CAPS2: variants seen among roughly 807,000 people sequenced by gnomAD.
CAPS2 encodes calcyphosine 2.
A neutral mutation model predicts 86.5 loss-of-function variants in CAPS2; 98 were observed. The observed-to-expected ratio is 1.13, with a 90% CI of 0.96 to 1.34. The LOEUF (loss-of-function observed/expected upper bound fraction) is 1.34. Ranked by LOEUF, CAPS2 falls within the 40% of genes most tolerant of loss-of-function variation. The pLI is 0.00. For missense variants in CAPS2, 729 were observed against 686.8 expected, an observed-to-expected ratio of 1.06 and a Z score of -0.69; for synonymous variants, 210 against 225.1, an observed-to-expected ratio of 0.93 and a Z score of 0.60.
chr12:75,280,861 G>T (rs1305649258), intron 16 of CAPS2, among the ~76,000 whole-genome samples: 1 of 151,568 alleles, frequency 6.6e-6, no homozygotes, highest in Non-Finnish European at 1.5e-5. Flanking sequence ...CATATATGAG[G>T]GTTAATGATG....
intron 7 of CAPS2, among the ~76,000 whole-genome samples, chr12:75,306,634 A>G (rs1300024571): frequency 6.6e-6 from 1 of 152,100 alleles, no homozygotes; most frequent in Non-Finnish European, 1.5e-5. Context: ...TGCTAAACTG[A>G]TGAAATATAT....
intron 1 of CAPS2, among the ~76,000 whole-genome samples, chr12:75,349,790 C>T (rs923792274): frequency 2.0e-5 from 3 of 151,822 alleles, no homozygotes; most frequent in Non-Finnish European, 4.4e-5. Flanking sequence ...CCATGATTGC[C>T]TTGAGAAACA....
At chr12:75,293,084 G>C (rs1408841122) in intron 12 of CAPS2, among the ~76,000 whole-genome samples, 165 bp downstream of exon 12, 1 of 152,154 alleles carries the variant, frequency 6.6e-6, no homozygotes, top group Middle Eastern at 3.4e-3. Context: ...AAGTGTATTT[G>C]AGTACAAGAT....
chr12:75,284,343 A>C (rs1325201656), intron 15 of CAPS2, among the ~76,000 whole-genome samples: 1 of 152,194 alleles, frequency 6.6e-6, no homozygotes, highest in African/African-American at 2.4e-5. Flanking sequence ...AAAAGAAAAA[A>C]GATAACTATA....
exon 2 of CAPS2, chr12:75,325,249 A>G: frequency 6.5e-7 from 1 of 1,549,424 alleles, no homozygotes; most frequent in Non-Finnish European, 8.7e-7. Context: ...ACTGGTGGGC[A>G]AGAATTCTGG....
intron 14 of CAPS2, among the ~76,000 whole-genome samples, chr12:75,286,804 C>G (rs971766138): frequency 1.3e-5 from 2 of 151,310 alleles, no homozygotes; most frequent in Admixed American, 1.3e-4. Flanking sequence ...AGTGATATTA[C>G]AGAAAAAATA....
chr12:75,278,904 G>A (rs2033359879), exon 17 of CAPS2: 4 of 1,575,912 alleles, frequency 2.5e-6, no homozygotes, highest in Non-Finnish European at 3.4e-6. Context: ...ATCCCCCATG[G>A]AGTACGTAAG....
intron 14 of CAPS2, among the ~76,000 whole-genome samples, 187 bp from the exon 15 acceptor site, chr12:75,285,267 A>C (rs887728567): frequency 1.3e-5 from 2 of 152,060 alleles, no homozygotes; most frequent in East Asian, 3.8e-4. Flanking sequence ...TCTGTGGTGA[A>C]TGGTTCTGTA....
chr12:75,279,316 G>T (rs562245037), intron 16 of CAPS2, among the ~76,000 whole-genome samples: 251 of 151,876 alleles, frequency 1.7e-3, no homozygotes, highest in African/African-American at 5.2e-3. Flanking sequence ...CAGTTTTTTT[G>T]ATCATAAATT....
downstream of CAPS2, chr12:75,276,051 T>C (rs2032879398): frequency 1.4e-6 from 1 of 695,642 alleles, no homozygotes; most frequent in Non-Finnish European, 2.1e-6. Flanking sequence ...TATAGAACTT[T>C]AAAATAAAAA....
chr12:75,340,732 T>TAA lies in CAPS2; in HGVS notation c.-394-17512_-394-17511dup, dbSNP rs540433596. 1.5e-3 allele frequency among the ~76,000 whole-genome samples: 180 copies of TAA among 122,844 alleles called. No individual in the cohort carries two copies. In the East Asian group the frequency reaches 0.015, roughly 10 times the overall value. 80.6% of individuals were successfully genotyped at this position (122,844 alleles called of 152,430 possible). A position where few individuals can be genotyped will look rare whatever the true frequency, so the allele number is the denominator to read the frequency against. ...AGAAAGAAGTCTCAAAACTCAACAGTAAAAAAAAAAAAGAAAAAAATTCAA... is the reference window on the plus strand; with the variant it reads ...AGAAAGAAGTCTCAAAACTCAACAGTAAAAAAAAAAAAAAGAAAAAAATTCAA... On this transcript the variant is annotated intron_variant, in intron 1 of 5. Coordinates refer to the CAPS2 transcript ENST00000551829.
At chr12:75,288,905 T>A (rs2035367116) in intron 14 of CAPS2, among the ~76,000 whole-genome samples, 4 of 151,980 alleles carry the variant, frequency 2.6e-5, no homozygotes, top group Admixed American at 2.0e-4. Context: ...AATGAGAAAT[T>A]GGTATAGAAA....
exon 14 of CAPS2, chr12:75,289,699 G>T (rs1272329999): frequency 6.2e-7 from 1 of 1,612,768 alleles, no homozygotes; most frequent in East Asian, 2.2e-5. Context: ...TTCCTTCCTT[G>T]TCCAACTGTT....
chr12:75,344,236 A>C (rs990428967), intron 1 of CAPS2, among the ~76,000 whole-genome samples: 3 of 152,068 alleles, frequency 2.0e-5, no homozygotes, highest in African/African-American at 7.2e-5. Flanking sequence ...CCTTCCCTGG[A>C]AGTGGGAAGT....
At chr12:75,363,627 T>C (rs922085026) in intron 1 of CAPS2, among the ~76,000 whole-genome samples, 1 of 152,142 alleles carries the variant, frequency 6.6e-6, no homozygotes, top group African/African-American at 2.4e-5. Context: ...AAAATAAATA[T>C]GCTTTTTAAG....
chr12:75,320,825 T>C (rs1593517020), intron 5 of CAPS2, among the ~76,000 whole-genome samples: 1 of 152,092 alleles, frequency 6.6e-6, no homozygotes, highest in African/African-American at 2.4e-5. Context: ...ACTTTTTCTG[T>C]ATGATTATGA....
rs533361314 is a variant in CAPS2 at position 75,355,329 on chromosome 12, C to G, written c.-394-32107G>C. On this transcript the variant is annotated intron_variant, in intron 1 of 5. Coordinates refer to the CAPS2 transcript ENST00000551829. ...GGGCAAAAGACATGAACAGACACTT[C>G]TCAAAATAAGACATTTATGCAGCCA... 2.5e-4 allele frequency among the ~76,000 whole-genome samples: 38 copies of G among 152,314 alleles called. 1 individual carries two copies. The highest frequency in any genetic ancestry group is 1.2e-4 in the Non-Finnish European group (8 of 68,028).
intron 2 of CAPS2, among the ~76,000 whole-genome samples, chr12:75,324,548 T>C (rs1426602978): frequency 2.0e-5 from 3 of 152,108 alleles, no homozygotes; most frequent in African/African-American, 4.8e-5. Context: ...ATCTAGTGCT[T>C]GCACCTAACT....
At chr12:75,276,460 TTACTC>T (rs927678306), downstream of CAPS2, 2 of 979,578 alleles carry the variant, frequency 2.0e-6, no homozygotes, top group African/African-American at 3.5e-5. Context: ...AGATTATTAA[TTACTC>T]TAAGTGACTG....
Sources: gnomAD v4.1 joint callset for allele counts (sites outside exome capture counted in the v4.1 genomes callset) on GRCh38, gnomAD v4.1.1 for gene constraint, MANE v1.5 for transcripts, NCBI Gene and HGNC (gene_info 2026-07-23, HGNC 2026-07-21) for gene names.